Variants in FAM111A observed in about 807,000 individuals in gnomAD.
FAM111A encodes the protein FAM111 trypsin like peptidase A.
A neutral mutation model predicts 3.3 loss-of-function variants in FAM111A; 8 were observed. That is an observed-to-expected ratio of 2.39 (90% CI 1.40 to 4.32). The LOEUF is 4.32. FAM111A is among the 30% of genes most tolerant of loss of function. The pLI is 0.00. For synonymous variants in FAM111A, 227 were observed against 243.1 expected (o/e 0.93, Z 0.62); for missense variants, 683 against 727.6 (o/e 0.94, Z 0.71).
chr11:59,154,846 A>T lies in FAM111A; in HGVS notation c.*1342A>T, dbSNP rs987461078. ...GTGCCGGTAGTACAGATAACCCCTCATAAAGATGCTTATCTAACCTCCCCA... is the reference window on the plus strand; with the variant it reads ...GTGCCGGTAGTACAGATAACCCCTCTTAAAGATGCTTATCTAACCTCCCCA... On this transcript the variant is annotated 3_prime_UTR_variant, in exon 6 of 6. Transcript: ENST00000675163. 2 of 153,106 alleles carry T rather than the reference A, an allele frequency of 1.3e-5. No homozygotes were observed. The highest frequency in any genetic ancestry group is 4.8e-5 in the African/African-American group (2 of 41,444). The allele number at this position is 153,106 out of a possible 1,614,324, so 9.5% of individuals were successfully genotyped here.
Position 59,152,822 on chromosome 11 carries a change from A to G in FAM111A, c.1154A>G (p.His385Arg). 6.2e-7 allele frequency: 1 copy of G among 1,614,168 alleles called. No individual in the cohort carries two copies. The highest frequency in any genetic ancestry group is 8.5e-7 in the Non-Finnish European group (1 of 1,180,016). The change falls in exon 6 of 6, where the codon CAT (histidine) becomes CGT (arginine). Residue 385 changes from histidine (H) to arginine (R), a missense_variant. His to Arg is a conservative substitution (Grantham distance 29). Coordinates refer to ENST00000675163, the MANE Select transcript of FAM111A (RefSeq NM_001312909.2). ...GGATTGTTCATTTTAACTTGTCGGCATGTAATAGATAGCATTGTGGGAGAC... is the reference window on the plus strand; with the variant it reads ...GGATTGTTCATTTTAACTTGTCGGCGTGTAATAGATAGCATTGTGGGAGAC... ...FKGLFILTCRHVIDSIVGDGI... is the reference protein window; with the variant it reads ...FKGLFILTCRRVIDSIVGDGI...
intron 3 of FAM111A, chr11:59,144,916 G>T (rs950462981): frequency 6.5e-6 from 1 of 152,686 alleles, no homozygotes. Context: ...CACACAGGGC[G>T]CTGGGGTGCT....
intron 5 of FAM111A, among the ~76,000 whole-genome samples, chr11:59,149,809 A>G (rs1861423909): frequency 6.6e-6 from 1 of 152,350 alleles, no homozygotes; most frequent in South Asian, 2.1e-4. Flanking sequence ...TGCTTAAGGC[A>G]GGAATGAAGT....
At chr11:59,148,704 G>A in intron 4 of FAM111A, 93 bp from the exon 5 acceptor site, 1 of 571,780 alleles carries the variant, frequency 1.7e-6, no homozygotes, top group Middle Eastern at 2.9e-4. Flanking sequence ...ATTTGCTAAG[G>A]TACCATCTCC....
At chr11:59,149,594 A>G (rs1861396266) in intron 5 of FAM111A, among the ~76,000 whole-genome samples, 1 of 152,234 alleles carries the variant, frequency 6.6e-6, no homozygotes, top group African/African-American at 2.4e-5. Context: ...ATAAACCAAA[A>G]TTAATACCAT....
chr11:59,146,712 A>G (rs1422095386), intron 4 of FAM111A, among the ~76,000 whole-genome samples: 1 of 152,250 alleles, frequency 6.6e-6, no homozygotes, highest in Non-Finnish European at 1.5e-5. Flanking sequence ...CATAGCCTTT[A>G]GATAACTTCC....
At position 59,147,085 on chromosome 11, in the gene FAM111A, C is replaced by T. The variant is rs867385067; in HGVS notation, c.-77+1229C>T. Among the ~76,000 whole-genome samples, 53 of 152,144 alleles carry T rather than the reference C, an allele frequency of 3.5e-4. No homozygotes were observed. In the Middle Eastern group the frequency reaches 0.01, roughly 29 times the overall value. On this transcript the variant is annotated intron_variant, in intron 4 of 5. Transcript: ENST00000675163. The stretch of plus-strand genomic sequence containing the variant: ...TGGCAACTCACACCTCAAAGCCAAA[C>T]ATGAGAGATGAGAGTTGGTGGGAGG...
Position 59,143,610 on chromosome 11 carries a change from C to T in FAM111A, c.-192C>T, listed in dbSNP as rs1379095412. 6.6e-6 allele frequency: 1 copy of T among 152,244 alleles called. No individual in the cohort carries two copies. The highest frequency in any genetic ancestry group is 1.5e-5 in the Non-Finnish European group (1 of 68,044). 9.4% of individuals were successfully genotyped at this position (152,244 alleles called of 1,614,324 possible). A position where few individuals can be genotyped will look rare whatever the true frequency, so the allele number is the denominator to read the frequency against. On this transcript the variant is annotated 5_prime_UTR_variant, in exon 3 of 6. The change creates a premature stop within an existing upstream ORF in the 5' untranslated region. Coordinates refer to ENST00000675163, the MANE Select transcript of FAM111A (RefSeq NM_001312909.2). ...CTCTGTGTCCGAATTCTGTGTGCAGCAAACATCATCTCAAGTGCGTTTTCC... is the reference window on the plus strand; with the variant it reads ...CTCTGTGTCCGAATTCTGTGTGCAGTAAACATCATCTCAAGTGCGTTTTCC...
In FAM111A at chr11:59,144,994, G is replaced by A. The variant is rs1489518546; in HGVS notation, c.-106-833G>A. 5 of 152,840 alleles carry A rather than the reference G, an allele frequency of 3.3e-5. No individual in the cohort carries two copies. The East Asian group carries it at 7.7e-4, about 24-fold the overall frequency. The allele number at this position is 152,840 out of a possible 1,614,324, so 9.5% of individuals were successfully genotyped here. ...CCCGGCTGGGAGGAGAAGGAGCTGG[G>A]TGTCAGGAAGCCGGGGACTGACAGC... is the stretch of plus-strand genomic sequence containing the variant. On this transcript the variant is annotated intron_variant, in intron 3 of 5. Transcript: ENST00000675163.
chr11:59,151,026 C>G (rs186010250), intron 5 of FAM111A, among the ~76,000 whole-genome samples: 2 of 152,018 alleles, frequency 1.3e-5, no homozygotes, highest in Non-Finnish European at 2.9e-5. Flanking sequence ...GGTAGCTTAT[C>G]GCTGAATTCA....
chr11:59,153,405 A>T lies in FAM111A; in HGVS notation c.1737A>T (p.Glu579Asp). ...TCATTGAGTTTGGCTCTACCATGGA[A>T]TCCATCCTCCTTGATATTAAGCAAA... Reference protein sequence around the residue: ...RSIIEFGSTMESILLDIKQRH... With the variant: ...RSIIEFGSTMDSILLDIKQRH... The change falls in exon 6 of 6, where the codon GAA (glutamate) becomes GAT (aspartate). Residue 579 changes from glutamate (E) to aspartate (D), a missense_variant. Around this residue, in one of 3 missense-constraint regions of FAM111A, gnomAD observed 122 missense variants for 110.9 expected, o/e 1.10. Transcript: ENST00000675163. The T allele has an allele frequency of 6.2e-7, 1 of 1,614,148 alleles. No homozygotes were observed. Among genetic ancestry groups the T allele is most frequent in the Non-Finnish European group, 8.5e-7 (1 of 1,179,990 alleles).
At chr11:59,149,036 C>A in intron 5 of FAM111A, 83 bp downstream of exon 5, 1 of 932,238 alleles carries the variant, frequency 1.1e-6, no homozygotes, top group South Asian at 1.4e-5. Context: ...TCTTGGATAC[C>A]AAAATCCATG....
Position 59,153,068 on chromosome 11 carries a change from G to A in FAM111A, c.1400G>A (p.Gly467Glu), listed in dbSNP as rs1286695046. The A allele has an allele frequency of 8.7e-6, 14 of 1,613,994 alleles. No individual in the cohort carries two copies. Among genetic ancestry groups the A allele is most frequent in the Non-Finnish European group, 1.2e-5 (14 of 1,180,026 alleles). Residue 467 changes from glycine to glutamate, a missense_variant, in exon 6 of 6, where the codon GGG becomes GAG. By Grantham distance (98) the Gly-to-Glu change is moderately conservative (BLOSUM62 -2). This residue lies in a region of FAM111A where 557 missense variants were observed against 600.2 expected (regional missense o/e 0.93). Coordinates refer to ENST00000675163, the MANE Select transcript of FAM111A (RefSeq NM_001312909.2). ...GGAATTACTCCTGTGCCACTTAGTG[G>A]GTTGATACATATTATTGGCCATCCA... ...YNGITPVPLS[G>E]LIHIIGHPYG...
At position 59,153,099 on chromosome 11, in the gene FAM111A, A is replaced by G; in HGVS notation, c.1431A>G (p.Gly477=). 6.2e-7 allele frequency: 1 copy of G among 1,614,198 alleles called. No individual in the cohort carries two copies. The highest frequency in any genetic ancestry group is 8.5e-7 in the Non-Finnish European group (1 of 1,180,032). The change falls in exon 6 of 6, where the codon GGA becomes GGG. Residue 477 remains glycine, a synonymous_variant. Coordinates refer to ENST00000675163, the MANE Select transcript of FAM111A (RefSeq NM_001312909.2). ...GLIHIIGHPY[G]EKKQIDACAV... ...TACATATTATTGGCCATCCATATGG[A>G]GAAAAAAAGCAGATTGATGCTTGTG...
In FAM111A at chr11:59,154,309, T is replaced by C. The variant is rs958773229; in HGVS notation, c.*805T>C. On this transcript the variant is annotated 3_prime_UTR_variant, in exon 6 of 6. Coordinates refer to ENST00000675163, the MANE Select transcript of FAM111A (RefSeq NM_001312909.2). ...GATTAGAAATGATCTCAAAACCTTTTAGAATTTCCAAAATCTTCATATTAC... is the reference window on the plus strand; with the variant it reads ...GATTAGAAATGATCTCAAAACCTTTCAGAATTTCCAAAATCTTCATATTAC... 6.6e-6 allele frequency: 1 copy of C among 152,220 alleles called. No individual in the cohort carries two copies. Among genetic ancestry groups the C allele is most frequent in the African/African-American group, 2.4e-5 (1 of 41,456 alleles). The allele number at this position is 152,220 out of a possible 1,614,324, so 9.4% of individuals were successfully genotyped here.
rs372550948 is a variant in FAM111A, at chr11:59,151,707, G to A, written c.82-43G>A. 4.6e-4 allele frequency: 650 copies of A among 1,398,578 alleles called. 6 individuals are homozygous for A. The South Asian group carries it at 7.9e-3, about 17-fold the overall frequency. 86.6% of individuals were successfully genotyped at this position (1,398,578 alleles called of 1,614,324 possible). ...ACCTGAAAAGAGAAACAAAAGACTC[G>A]GGTTGCATTCAGAGTTTTAAAGTAT... On this transcript the variant is annotated intron_variant, in intron 5 of 5. Transcript: ENST00000675163.
At position 59,152,202 on chromosome 11, in the gene FAM111A, G is replaced by T. The variant is rs139142601; in HGVS notation, c.534G>T (p.Ser178=). 33 of 1,614,116 alleles carry T rather than the reference G, an allele frequency of 2.0e-5. No individual in the cohort carries two copies. In the East Asian group the frequency reaches 6.7e-4, roughly 33 times the overall value. ...TATTTGGCAGGCAGGACAAAGCATC[G>T]ACTGAATGTGTCAAATTTTACATTC... ...NHIFGRQDKA[S]TECVKFYIHA... Residue 178 remains serine, a synonymous_variant, in exon 6 of 6, where the codon TCG becomes TCT. Transcript: ENST00000675163.
At position 59,145,829 on chromosome 11, in the gene FAM111A, T is replaced by A. The variant is rs1458671154; in HGVS notation, c.-104T>A. 3 of 152,148 alleles carry A rather than the reference T, an allele frequency of 2.0e-5. No homozygotes were observed. The highest frequency in any genetic ancestry group is 4.4e-5 in the Non-Finnish European group (3 of 68,024). The allele number at this position is 152,148 out of a possible 1,614,324, so 9.4% of individuals were successfully genotyped here. The stretch of plus-strand genomic sequence containing the variant: ...ACATTTTCTATTTTTTTTCCTAGGT[T>A]CTCTGCTGTTTAAAAAGTATCCCTG... On this transcript the variant is annotated splice_region_variant and 5_prime_UTR_variant, in exon 4 of 6. Transcript: ENST00000675163.
chr11:59,152,507 A>C lies in FAM111A; in HGVS notation c.839A>C (p.Gln280Pro), dbSNP rs369728070. The C allele has an allele frequency of 1.2e-6, 2 of 1,614,048 alleles. No homozygotes were observed. The highest frequency in any genetic ancestry group is 2.7e-5 in the African/African-American group (2 of 74,950). Residue 280 changes from glutamine (Q) to proline (P), a missense_variant, in exon 6 of 6, where the codon CAG becomes CCG. By Grantham distance (76) the Gln-to-Pro change is moderately conservative (BLOSUM62 -1). Around this residue, in one of 3 missense-constraint regions of FAM111A, gnomAD observed 557 missense variants for 600.2 expected, o/e 0.93. Transcript: ENST00000675163. ...ATGGTCCCCAGTGCAGCAGCTTCTC[A>C]GAATCCTGAGTCAGAGAAAAGAAAC... ...KRMVPSAAAS[Q>P]NPESEKRNTC... is the part of the protein sequence containing the mutation.
Sources: allele counts gnomAD v4.1 joint callset (sites outside exome capture counted in the v4.1 genomes callset), GRCh38; gene constraint gnomAD v4.1.1; regional missense constraint gnomAD v4.1.1; transcripts MANE v1.5; gene names NCBI Gene and HGNC (gene_info 2026-07-23, HGNC 2026-07-21).